FCHO2: variants seen among roughly 807,000 people sequenced by gnomAD.
FCHO2 encodes the protein F-BAR domain only protein 2.
Under a neutral mutation model 114.1 loss-of-function variants are expected in FCHO2, and 43 were observed. The observed-to-expected ratio is 0.38, with a 90% confidence interval of 0.30 to 0.49. The LOEUF (loss-of-function observed/expected upper bound fraction) is 0.49, where lower values mean the gene tolerates loss of function less well. FCHO2 is among the 20% of genes least tolerant of loss of function. The pLI is 0.97. For synonymous variants in FCHO2, 293 were observed against 315.2 expected, an observed-to-expected ratio of 0.93 and a Z score of 0.75; for missense variants, 807 against 950.4, an observed-to-expected ratio of 0.85 and a Z score of 1.98.
chr5:73,039,401 C>T lies in FCHO2; in HGVS notation c.915-1890C>T, dbSNP rs182731765. On this transcript the variant is annotated intron_variant, in intron 10 of 25. Coordinates refer to ENST00000430046, the MANE Select transcript of FCHO2 (RefSeq NM_138782.3). ...GAGAATAAACTCTTTGGAACTTTAA[C>T]ACTTCCTTTTATGTTCAAACTGCAT... 2.5e-3 allele frequency among the ~76,000 whole-genome samples: 377 copies of T among 152,308 alleles called. 1 individual carries two copies. The highest frequency in any genetic ancestry group is 1.6e-3 in the Non-Finnish European group (107 of 68,020).
At chr5:73,017,151 T>C in intron 7 of FCHO2, 61 bp from the exon 8 acceptor site, 1 of 973,290 alleles carries the variant, frequency 1.0e-6, no homozygotes, top group Non-Finnish European at 1.5e-6. Context: ...TGTGTAAGTT[T>C]TATCTGAAAT....
intron 1 of FCHO2, among the ~76,000 whole-genome samples, chr5:72,964,537 A>G (rs1752074495): frequency 6.6e-6 from 1 of 152,116 alleles, no homozygotes; most frequent in African/African-American, 2.4e-5. Flanking sequence ...GGGGCACGCC[A>G]CCACACCTGG....
In FCHO2 at chr5:73,015,706, T is replaced by G; in HGVS notation, c.681T>G (p.Ile227Met). 6.3e-7 allele frequency: 1 copy of G among 1,579,212 alleles called. No individual in the cohort carries two copies. Among genetic ancestry groups the G allele is most frequent in the Non-Finnish European group, 8.6e-7 (1 of 1,168,546 alleles). ...IGSLSNAIKE[I>M]HLQIGQVHEE... is the part of the protein sequence containing the mutation. Reference sequence around the variant, plus strand: ...CCTTGTCAAATGCTATAAAGGAAATTCATTTGCAGATAGGCCAGGTAAGTT... The same window carrying G: ...CCTTGTCAAATGCTATAAAGGAAATGCATTTGCAGATAGGCCAGGTAAGTT... Residue 227 changes from isoleucine (I) to methionine (M), a missense_variant, in exon 7 of 26, where the codon ATT becomes ATG. By Grantham distance (10) the Ile-to-Met change is conservative. Transcript: ENST00000430046.
chr5:73,042,521 A>G (rs373606321), intron 11 of FCHO2, among the ~76,000 whole-genome samples: 1 of 152,172 alleles, frequency 6.6e-6, no homozygotes, highest in Non-Finnish European at 1.5e-5. Context: ...ATATTATCCA[A>G]TTTTGAACTT....
At chr5:73,014,953 G>A (rs536381719) in intron 6 of FCHO2, among the ~76,000 whole-genome samples, 1 of 151,536 alleles carries the variant, frequency 6.6e-6, no homozygotes, top group South Asian at 2.1e-4. Flanking sequence ...GTGGGCACCT[G>A]TAGTCCAAGC....
chr5:73,032,936 G>A (rs1434811701), intron 8 of FCHO2, among the ~76,000 whole-genome samples: 1 of 152,078 alleles, frequency 6.6e-6, no homozygotes, highest in Admixed American at 6.5e-5. Flanking sequence ...GGTAATTTAG[G>A]TAGAGATTTG....
intron 5 of FCHO2, among the ~76,000 whole-genome samples, chr5:72,991,804 C>G (rs886463202): frequency 2.6e-5 from 4 of 152,162 alleles, no homozygotes; most frequent in African/African-American, 7.2e-5. Context: ...GACTATAAAA[C>G]AGCTGTGTAT....
intron 2 of FCHO2, among the ~76,000 whole-genome samples, chr5:72,973,333 G>C (rs974525823): frequency 2.0e-5 from 3 of 152,170 alleles, no homozygotes; most frequent in Non-Finnish European, 4.4e-5. Context: ...ATCTGGTCCT[G>C]TACTCTTTTT....
chr5:73,063,467 T>C (rs943865815), intron 17 of FCHO2, among the ~76,000 whole-genome samples: 1 of 152,066 alleles, frequency 6.6e-6, no homozygotes, highest in Non-Finnish European at 1.5e-5. Context: ...CTTCAAAGGC[T>C]TGGTCTCGAA....
chr5:73,004,641 A>G (rs537431151), intron 5 of FCHO2, among the ~76,000 whole-genome samples: 173 of 152,108 alleles, frequency 1.1e-3, no homozygotes, highest in African/African-American at 4.0e-3. Flanking sequence ...TTTTTTAAAA[A>G]AAAGGTGATA....
intron 2 of FCHO2, among the ~76,000 whole-genome samples, chr5:72,974,891 C>G (rs1447931400): frequency 6.6e-6 from 1 of 152,158 alleles, no homozygotes; most frequent in African/African-American, 2.4e-5. Flanking sequence ...TCTTGTAGGG[C>G]AGGCCTGCTG....
chr5:73,037,672 GAGAGAAAAGCCC>G (rs1346527961), intron 10 of FCHO2: 1 of 302,526 alleles, frequency 3.3e-6, no homozygotes, highest in Non-Finnish European at 6.4e-6. Context: ...TTAAATAGGG[GAGAGAAAAGCCC>G]TAACATTTTA....
chr5:73,017,107 A>G (rs993117569), intron 7 of FCHO2, 105 bp from the exon 8 acceptor site: 1 of 684,770 alleles, frequency 1.5e-6, no homozygotes, highest in Non-Finnish European at 2.3e-6. Flanking sequence ...TGGGTCAAAA[A>G]TACATATTTT....
intron 11 of FCHO2, among the ~76,000 whole-genome samples, chr5:73,046,374 G>A (rs1757059139): frequency 6.6e-6 from 1 of 152,254 alleles, no homozygotes; most frequent in Admixed American, 6.5e-5. Flanking sequence ...GCCTGTTGAT[G>A]TTTTGATCAG....
chr5:73,026,932 TC>T (rs1755961616), intron 8 of FCHO2, among the ~76,000 whole-genome samples: 1 of 151,960 alleles, frequency 6.6e-6, no homozygotes, highest in African/African-American at 2.4e-5. Context: ...CCTGAAGCAG[TC>T]CACCTGCCTC....
intron 2 of FCHO2, among the ~76,000 whole-genome samples, chr5:72,973,118 G>A (rs1369109261): frequency 4.6e-5 from 7 of 152,078 alleles, no homozygotes; most frequent in South Asian, 2.1e-4. Context: ...ATTTTATTGA[G>A]GATTTTTGCA....
intron 11 of FCHO2, among the ~76,000 whole-genome samples, chr5:73,048,161 A>T (rs1000741804): frequency 4.0e-5 from 6 of 151,888 alleles, no homozygotes; most frequent in African/African-American, 1.5e-4. Flanking sequence ...TTTTTTTTAA[A>T]TATTTTTGCC....
chr5:73,006,011 A>G (rs991746514), intron 5 of FCHO2, among the ~76,000 whole-genome samples: 3 of 152,176 alleles, frequency 2.0e-5, no homozygotes, highest in Middle Eastern at 3.2e-3. Flanking sequence ...AATGAAATAT[A>G]TGTATGCTGT....
intron 6 of FCHO2, among the ~76,000 whole-genome samples, chr5:73,010,911 GTA>G (rs1296988036): frequency 9.8e-4 from 138 of 140,294 alleles, no homozygotes; most frequent in African/African-American, 3.4e-3. Flanking sequence ...AAGAGAGAAT[GTA>G]CTTACTTACA....
Sources: allele counts gnomAD v4.1 joint callset (sites outside exome capture counted in the v4.1 genomes callset), GRCh38; gene constraint gnomAD v4.1.1; transcripts MANE v1.5; gene names NCBI Gene and HGNC (gene_info 2026-07-23, HGNC 2026-07-21).